The following DNAI7 variants were observed in gnomAD, a reference collection of about 807,000 sequenced individuals.
DNAI7 encodes the protein dynein axonemal intermediate chain 7.
A neutral mutation model predicts 86.6 loss-of-function variants in DNAI7; 78 were observed. That is an observed-to-expected ratio of 0.90 (90% CI 0.75 to 1.09). The LOEUF (loss-of-function observed/expected upper bound fraction) is 1.09. DNAI7 is among the 50% of genes least tolerant of loss of function. DNAI7 has a pLI of 0.00. For synonymous variants in DNAI7, 274 were observed against 273.0 expected (o/e 1.00, Z -0.04); for missense variants, 753 against 810.2 (o/e 0.93, Z 0.86).
chr12:25,123,832 T>C (rs1941682989), intron 9 of DNAI7, among the ~76,000 whole-genome samples: 1 of 152,186 alleles, frequency 6.6e-6, no homozygotes, highest in Non-Finnish European at 1.5e-5. Context: ...ATTATGAGCC[T>C]CAAATTCCTG....
chr12:25,188,746 T>G (rs564069127), intron 2 of DNAI7, among the ~76,000 whole-genome samples: 2 of 151,618 alleles, frequency 1.3e-5, no homozygotes, highest in East Asian at 3.9e-4. Flanking sequence ...AGGAAGAATC[T>G]CACCATTCTT....
At chr12:25,122,321 G>A (rs1033473004) in intron 10 of DNAI7, among the ~76,000 whole-genome samples, 2 of 151,834 alleles carry the variant, frequency 1.3e-5, no homozygotes, top group Non-Finnish European at 2.9e-5. Context: ...AGCTAGCCTG[G>A]TGGTGCATGC....
At chr12:25,164,637 C>T (rs993844562) in intron 2 of DNAI7, among the ~76,000 whole-genome samples, 27 of 152,216 alleles carry the variant, frequency 1.8e-4, no homozygotes, top group Non-Finnish European at 2.6e-4. Flanking sequence ...GTCTGAGGTG[C>T]CTGACGTCCA....
At chr12:25,191,635 C>T (rs1950529760) in intron 1 of DNAI7, among the ~76,000 whole-genome samples, 1 of 151,996 alleles carries the variant, frequency 6.6e-6, no homozygotes, top group South Asian at 2.1e-4. Flanking sequence ...ACCTGGGAGG[C>T]GGAGCTGCAG....
chr12:25,113,938 G>GTTTTTTTTTTTTTTTTTTT (rs112532652), intron 13 of DNAI7, among the ~76,000 whole-genome samples: 1 of 82,834 alleles, frequency 1.2e-5, no homozygotes, highest in African/African-American at 4.9e-5. Flanking sequence ...TTCTTTCTGG[G>GTTTTTTTTTTTTTTTTTTT]TTTTTTTTTT....
At chr12:25,133,009 C>A (rs1230896549) in intron 9 of DNAI7, among the ~76,000 whole-genome samples, 1 of 152,104 alleles carries the variant, frequency 6.6e-6, no homozygotes, top group Non-Finnish European at 1.5e-5. Flanking sequence ...CTTTTTCGTT[C>A]ATGCTTTTGG....
intron 2 of DNAI7, among the ~76,000 whole-genome samples, chr12:25,183,184 TAC>T (rs149555435): frequency 0.064 from 9,657 of 151,906 alleles, 325 homozygotes; most frequent in South Asian, 0.11. Context: ...GTACAATGGG[TAC>T]ACATGGTCAT....
At chr12:25,147,475 G>GGCCC (rs1237571245) in intron 7 of DNAI7, among the ~76,000 whole-genome samples, 6 of 65,784 alleles carry the variant, frequency 9.1e-5, no homozygotes, top group East Asian at 2.8e-3. Flanking sequence ...AACATAATGA[G>GGCCC]ACCACCCCCA....
intron 13 of DNAI7, 33 bp downstream of exon 13, chr12:25,114,623 C>G (rs74426171): frequency 7.0e-7 from 1 of 1,432,778 alleles, no homozygotes. Context: ...ACCTCTGATA[C>G]GATAGTACAT....
chr12:25,192,864 T>C lies in DNAI7; in HGVS notation c.3+2212A>G, dbSNP rs1950657971. On this transcript the variant is annotated intron_variant, in intron 1 of 15. Transcript: ENST00000395987. ...AAAAAAAAAAAAAAAAAATCATATGTTGGCTGGGTGCACTGGCTTACTCCT... is the reference window on the plus strand; with the variant it reads ...AAAAAAAAAAAAAAAAAATCATATGCTGGCTGGGTGCACTGGCTTACTCCT... 3 of 148,814 alleles carry C rather than the reference T, an allele frequency of 2.0e-5. No homozygotes were observed. In the South Asian group the frequency reaches 6.4e-4, roughly 32 times the overall value. The allele number at this position is 148,814 out of a possible 1,614,324, so 9.2% of individuals were successfully genotyped here. A position where few individuals can be genotyped will look rare whatever the true frequency, so the allele number is the denominator to read the frequency against.
At chr12:25,187,802 C>A (rs1376785247) in intron 2 of DNAI7, among the ~76,000 whole-genome samples, 1 of 151,694 alleles carries the variant, frequency 6.6e-6, no homozygotes, top group African/African-American at 2.4e-5. Context: ...TATTATGTCC[C>A]AAAAAAGGAA....
rs538467545 is a variant in DNAI7, at chr12:25,108,423, A to C, written c.*125T>G. ...AAAATAAAACTTGAGTAGAAAATGCAGATTAGAAAATTTTTAATAGTTGAT... is the reference window on the plus strand; with the variant it reads ...AAAATAAAACTTGAGTAGAAAATGCCGATTAGAAAATTTTTAATAGTTGAT... On this transcript the variant is annotated 3_prime_UTR_variant, in exon 16 of 16. Transcript: ENST00000395987. 1 of 818,234 alleles carries C rather than the reference A, an allele frequency of 1.2e-6. No homozygotes were observed. The highest frequency in any genetic ancestry group is 1.8e-6 in the Non-Finnish European group (1 of 559,678). The allele number at this position is 818,234 out of a possible 1,614,324, so 50.7% of individuals were successfully genotyped here.
intron 2 of DNAI7, among the ~76,000 whole-genome samples, chr12:25,163,990 G>A (rs999977754): frequency 2.0e-5 from 3 of 152,182 alleles, no homozygotes; most frequent in Non-Finnish European, 2.9e-5. Flanking sequence ...GTTTAATCAC[G>A]TGGGGATGGC....
downstream of DNAI7, chr12:25,107,958 T>C (rs756672179): frequency 2.3e-5 from 37 of 1,614,108 alleles, no homozygotes; most frequent in Middle Eastern, 3.3e-4. Flanking sequence ...TCCAGAAGTC[T>C]GTGGATGCCG....
chr12:25,158,330 T>G (rs1946443603), intron 4 of DNAI7, 142 bp downstream of exon 4: 5 of 625,482 alleles, frequency 8.0e-6, no homozygotes, highest in Non-Finnish European at 1.4e-5. Context: ...TGGATAACAA[T>G]GTCACTTATT....
chr12:25,113,145 A>T (rs191827869), intron 13 of DNAI7, among the ~76,000 whole-genome samples: 106 of 152,250 alleles, frequency 7.0e-4, no homozygotes, highest in African/African-American at 2.4e-3. Flanking sequence ...AGGTCACATA[A>T]CCTCCTAACC....
At chr12:25,156,043 C>G (rs1269649316) in intron 4 of DNAI7, among the ~76,000 whole-genome samples, 1 of 151,876 alleles carries the variant, frequency 6.6e-6, no homozygotes, top group Non-Finnish European at 1.5e-5. Context: ...GGCAGAGGTT[C>G]CACTAACCCA....
intron 2 of DNAI7, among the ~76,000 whole-genome samples, chr12:25,176,989 A>C (rs1267238370): frequency 2.9e-5 from 4 of 139,720 alleles, no homozygotes; most frequent in Non-Finnish European, 6.0e-5. Flanking sequence ...TACAACCTCC[A>C]CCTCCCAGGT....
intron 2 of DNAI7, among the ~76,000 whole-genome samples, chr12:25,176,301 A>G (rs951855302): frequency 2.6e-5 from 4 of 152,112 alleles, no homozygotes; most frequent in Non-Finnish European, 4.4e-5. Flanking sequence ...AAAAATTTAA[A>G]TTAAAAAATT....
Sources: allele counts gnomAD v4.1 joint callset (sites outside exome capture counted in the v4.1 genomes callset), GRCh38; gene constraint gnomAD v4.1.1; transcripts MANE v1.5; gene names NCBI Gene and HGNC (gene_info 2026-07-23, HGNC 2026-07-21).